Variants in FER1L6 observed in about 807,000 individuals in gnomAD.
FER1L6 encodes the protein fer-1-like protein 6.
In FER1L6, 177 loss-of-function variants were observed where a neutral mutation model predicts 219.2. The ratio of observed to expected loss-of-function variants is 0.81; its 90% CI spans 0.71 to 0.91. FER1L6 has a LOEUF of 0.91. Among genes scored for constraint, FER1L6 ranks in the 40% least tolerant of loss-of-function variants. FER1L6 has a pLI of 0.00. For missense variants in FER1L6, 2,153 were observed against 2,259.9 expected (o/e 0.95, Z 0.96); for synonymous variants, 768 against 824.3 (o/e 0.93, Z 1.17).
At chr8:123,908,295 A>G (rs1377261744) in intron 1 of FER1L6, among the ~76,000 whole-genome samples, 2 of 152,348 alleles carry the variant, frequency 1.3e-5, no homozygotes, top group Admixed American at 6.5e-5. Context: ...GGGGGTGAAG[A>G]CTGGGTATTT....
chr8:124,082,874 T>G (rs916134068), intron 33 of FER1L6, among the ~76,000 whole-genome samples: 16 of 152,218 alleles, frequency 1.1e-4, no homozygotes, highest in Non-Finnish European at 2.4e-4. Context: ...TCATTGAGTT[T>G]TGTGAACCAC....
rs866419753 is a variant in FER1L6, at chr8:124,013,514, C to T, written c.1905C>T (p.Asp635=). 1 of 1,606,896 alleles carries T rather than the reference C, an allele frequency of 6.2e-7. No homozygotes were observed. Among genetic ancestry groups the T allele is most frequent in the Middle Eastern group, 1.7e-4 (1 of 6,014 alleles). The change falls in exon 15 of 41, where the codon GAC becomes GAT. Residue 635 remains aspartate (D), a synonymous_variant. Transcript: ENST00000522917. Reference sequence around the variant, plus strand: ...AGAAAATGAAAACAGTGCTCAGTGACTTCATCAGTCGGAGCAGGTACCGGG... The same window carrying T: ...AGAAAATGAAAACAGTGCTCAGTGATTTCATCAGTCGGAGCAGGTACCGGG... ...PEEKMKTVLS[D]FISRSSAFIS... is the part of the protein sequence containing the mutation.
In FER1L6 at chr8:124,033,629, G is replaced by T. The variant is rs1023590523; in HGVS notation, c.2287-1648G>T. Among the ~76,000 whole-genome samples, 7 of 152,216 alleles carry T rather than the reference G, an allele frequency of 4.6e-5. No homozygotes were observed. The South Asian group carries it at 1.5e-3, about 32-fold the overall frequency. On this transcript the variant is annotated intron_variant, in intron 18 of 40. Transcript: ENST00000522917. ...TGTCTAGCTCTTATGCTTACTGGTT[G>T]TGACTTCTTTCCCAAAAGCTCTTAG... is the stretch of plus-strand genomic sequence containing the variant.
Position 124,108,643 on chromosome 8 carries a change from G to A in FER1L6, c.5289+5334G>A, listed in dbSNP as rs111482646. ...CTCATACCTGTAATCCCAGCACTTT[G>A]GAGTAGACGGACATCTTGAGCCCCA... On this transcript the variant is annotated intron_variant, in intron 39 of 40. Coordinates refer to ENST00000522917, the MANE Select transcript of FER1L6 (RefSeq NM_001039112.2). Among the ~76,000 whole-genome samples, 888 of 152,236 alleles carry A rather than the reference G, an allele frequency of 5.8e-3. 17 individuals are homozygous for A. Among genetic ancestry groups the A allele is most frequent in the African/African-American group, 0.02 (841 of 41,522 alleles).
Position 124,000,489 on chromosome 8 carries a change from A to G in FER1L6, c.1520-2678A>G, listed in dbSNP as rs1370413447. Among the ~76,000 whole-genome samples, 5 of 152,308 alleles carry G rather than the reference A, an allele frequency of 3.3e-5. No individual in the cohort carries two copies. The East Asian group carries it at 9.6e-4, about 29-fold the overall frequency. ...CTCTAGATTTATTTTCATACTTCAC[A>G]AAAGTGATTAAGACTGTAGGTTTAG... On this transcript the variant is annotated intron_variant, in intron 12 of 40. Coordinates refer to ENST00000522917, the MANE Select transcript of FER1L6 (RefSeq NM_001039112.2).
chr8:123,897,302 A>G (rs1296506233), intron 1 of FER1L6, among the ~76,000 whole-genome samples: 2 of 152,014 alleles, frequency 1.3e-5, no homozygotes, highest in Non-Finnish European at 1.5e-5. Flanking sequence ...CATTCCCCCA[A>G]CATCTCCTCT....
chr8:123,934,446 T>C (rs892530878), intron 1 of FER1L6, among the ~76,000 whole-genome samples: 2 of 152,150 alleles, frequency 1.3e-5, no homozygotes, highest in African/African-American at 4.8e-5. Flanking sequence ...TTTTAGAGAG[T>C]CAGCATTGAC....
intron 1 of FER1L6, among the ~76,000 whole-genome samples, chr8:123,855,339 G>T (rs1411390074): frequency 6.6e-6 from 1 of 152,150 alleles, no homozygotes; most frequent in Admixed American, 6.5e-5. Context: ...CTCCTGGCAG[G>T]CAGGGAGTTG....
chr8:123,853,945 G>C lies in FER1L6; in HGVS notation c.-8+1760G>C, dbSNP rs773132693. Among the ~76,000 whole-genome samples, 3 of 152,216 alleles carry C rather than the reference G, an allele frequency of 2.0e-5. No individual in the cohort carries two copies. Among genetic ancestry groups the C allele is most frequent in the Non-Finnish European group, 2.9e-5 (2 of 68,044 alleles). ...ACCTCTGAGGAGCAAAGGATGCAGG[G>C]CTTCTGTGGGCCTGGCTCTCAGGGA... On this transcript the variant is annotated intron_variant, in intron 1 of 40. Transcript: ENST00000522917. This position sits in a 1 kb window ranked among gnomAD's most constrained non-coding sequence, Gnocchi z 6.6.
At chr8:123,977,815 C>T (rs1037232987) in intron 10 of FER1L6, among the ~76,000 whole-genome samples, 11 of 152,096 alleles carry the variant, frequency 7.2e-5, no homozygotes, top group African/African-American at 2.7e-4. Flanking sequence ...CATTAGTCTC[C>T]TCATAAGGAG....
At chr8:124,069,691 A>G (rs1820985418) in intron 29 of FER1L6, among the ~76,000 whole-genome samples, 1 of 152,202 alleles carries the variant, frequency 6.6e-6, no homozygotes, top group African/African-American at 2.4e-5. Flanking sequence ...AAGGGGTGTA[A>G]CTTAAATTGT....
chr8:123,893,655 A>G (rs1254658472), intron 1 of FER1L6, among the ~76,000 whole-genome samples: 1 of 152,150 alleles, frequency 6.6e-6, no homozygotes, highest in Non-Finnish European at 1.5e-5. Context: ...TTTATAATGG[A>G]GTACAGTTAA....
intron 1 of FER1L6, among the ~76,000 whole-genome samples, chr8:123,864,649 G>C (rs1816801535): frequency 6.7e-6 from 1 of 149,254 alleles, no homozygotes. Context: ...TTTTCACATA[G>C]TCCCATATTT....
chr8:124,023,101 G>A (rs985148797), intron 17 of FER1L6, among the ~76,000 whole-genome samples: 1 of 152,092 alleles, frequency 6.6e-6, no homozygotes, highest in Non-Finnish European at 1.5e-5. Context: ...TTTTTTAGTA[G>A]AGATGTGGTT....
chr8:123,926,747 A>G (rs1813576971), intron 1 of FER1L6, among the ~76,000 whole-genome samples: 1 of 152,204 alleles, frequency 6.6e-6, no homozygotes, highest in Non-Finnish European at 1.5e-5. Flanking sequence ...AGTGTGGCAC[A>G]AACTCTTTTG....
rs1554608009 is a variant in FER1L6 at position 123,856,316 on chromosome 8, GTATATATATATATA to G, written c.-8+4151_-8+4164del. ...TGTATATATATATATATATGTATGT[GTATATATATATATA>G]TATATATATATATATATATTAGGGT... On this transcript the variant is annotated intron_variant, in intron 1 of 40. Coordinates refer to ENST00000522917, the MANE Select transcript of FER1L6 (RefSeq NM_001039112.2). Among the ~76,000 whole-genome samples the G allele has an allele frequency of 1.8e-4, 8 of 45,112 alleles. 2 individuals carry two copies. Among genetic ancestry groups the G allele is most frequent in the South Asian group, 9.0e-4 (1 of 1,106 alleles). 29.6% of individuals were successfully genotyped at this position (45,112 alleles called of 152,430 possible). A position where few individuals can be genotyped will look rare whatever the true frequency, so the allele number is the denominator to read the frequency against.
chr8:123,932,898 G>A (rs993095813), intron 1 of FER1L6, among the ~76,000 whole-genome samples: 1 of 152,218 alleles, frequency 6.6e-6, no homozygotes, highest in Non-Finnish European at 1.5e-5. Flanking sequence ...AGCTATTGCT[G>A]TGCTAGTAGA....
intron 7 of FER1L6, 33 bp from the exon 8 acceptor site, chr8:123,975,117 T>C (rs1350007483): frequency 6.5e-7 from 1 of 1,536,488 alleles, no homozygotes; most frequent in Admixed American, 1.8e-5. Flanking sequence ...GGCCCATCTG[T>C]GAAGGATGTG....
intron 12 of FER1L6, among the ~76,000 whole-genome samples, chr8:124,000,275 C>T (rs969236369): frequency 1.3e-5 from 2 of 152,206 alleles, no homozygotes; most frequent in African/African-American, 4.8e-5. Context: ...CACCTTTAGG[C>T]AATTCAAGAC....
Sources: gnomAD v4.1 joint callset for allele counts (sites outside exome capture counted in the v4.1 genomes callset) on GRCh38, gnomAD v4.1.1 for gene constraint, Gnocchi (gnomAD v3.1) non-coding constraint, MANE v1.5 for transcripts, NCBI Gene and HGNC (gene_info 2026-07-23, HGNC 2026-07-21) for gene names.